Variants in CAPN12 observed in about 807,000 individuals in gnomAD.
CAPN12 encodes calpain-12.
A neutral mutation model predicts 95.0 loss-of-function variants in CAPN12; 107 were observed. The observed-to-expected ratio is 1.13, with a 90% CI of 0.96 to 1.32. CAPN12 has a LOEUF of 1.32. CAPN12 is among the 40% of genes most tolerant of loss of function. The pLI, the probability that CAPN12 is intolerant of heterozygous loss-of-function variation, is 0.00. For synonymous variants in CAPN12, 505 were observed against 415.5 expected, an observed-to-expected ratio of 1.22 and a Z score of -2.62; for missense variants, 1,136 against 997.8, an observed-to-expected ratio of 1.14 and a Z score of -1.87.
chr19:38,731,212 TCAGGTGGAAGCC>T lies in CAPN12; in HGVS notation c.1958-1_1968del. The T allele has an allele frequency of 6.2e-7, 1 of 1,612,644 alleles. No homozygotes were observed. Among genetic ancestry groups the T allele is most frequent in the Non-Finnish European group, 8.5e-7 (1 of 1,179,970 alleles). Reference sequence around the variant, plus strand: ...GTGAGGGTCTGGGTCAGCTGGTTGTTCAGGTGGAAGCCTAGGGGGAGGCTGCTTCTGAGCCCA... The same window carrying T: ...GTGAGGGTCTGGGTCAGCTGGTTGTTTAGGGGGAGGCTGCTTCTGAGCCCA... On this transcript the variant is annotated splice_acceptor_variant and coding_sequence_variant, in exon 19 of 21. Coordinates refer to ENST00000328867, the MANE Select transcript of CAPN12 (RefSeq NM_144691.4). LOFTEE classifies it high-confidence loss of function.
At chr19:38,735,659 G>T in intron 12 of CAPN12, 115 bp from the exon 13 acceptor site, 1 of 492,748 alleles carries the variant, frequency 2.0e-6, no homozygotes, top group Non-Finnish European at 2.9e-6. Context: ...GTGGAGCCCT[G>T]GGCTCATCCT....
chr19:38,736,913 C>A, intron 10 of CAPN12: 2 of 366,148 alleles, frequency 5.5e-6, no homozygotes, highest in Non-Finnish European at 4.9e-6. Context: ...CCCAGCCCTA[C>A]TAGCCCCCTA....
chr19:38,743,805 C>T, intron 1 of CAPN12, 124 bp downstream of exon 1: 5 of 896,360 alleles, frequency 5.6e-6, no homozygotes, highest in South Asian at 1.6e-5. Flanking sequence ...GTCCAGGTCT[C>T]GAGCCCCTCC....
At chr19:38,740,432 G>T (rs960334668) in intron 4 of CAPN12, among the ~76,000 whole-genome samples, 1 of 152,042 alleles carries the variant, frequency 6.6e-6, no homozygotes, top group Non-Finnish European at 1.5e-5. Flanking sequence ...CCGGGTTCAA[G>T]CGATCCTCCT....
chr19:38,739,712 T>G (rs77003527), intron 5 of CAPN12: 71 of 68,088 alleles, frequency 1.0e-3, no homozygotes, highest in Non-Finnish European at 2.7e-3. Context: ...AAGAGGCACT[T>G]TTTTTTTTTT....
intron 17 of CAPN12, 152 bp downstream of exon 17, chr19:38,733,990 G>T: frequency 1.1e-6 from 1 of 870,908 alleles, no homozygotes; most frequent in Non-Finnish European, 1.8e-6. Flanking sequence ...CTGAGGCTGG[G>T]TGGGGGCAGG....
rs781041062 is a variant in CAPN12 at position 38,738,648 on chromosome 19, T to C, written c.730A>G (p.Ser244Gly). Residue 244 changes from serine to glycine, a missense_variant and splice_region_variant, in exon 6 of 21, where the codon AGT becomes GGT. Ser to Gly is a moderately conservative substitution (Grantham distance 56). Coordinates refer to ENST00000328867, the MANE Select transcript of CAPN12 (RefSeq NM_144691.4). ...KESLVGATAL[S>G]DRGEYRTEEG... ...TCTGTGCGGTACTCACCCCGATCAC[T>C]CTGGGCAGGGGATGGGATGGTGAGG... 102 of 1,613,678 alleles carry C rather than the reference T, an allele frequency of 6.3e-5. No homozygotes were observed. The highest frequency in any genetic ancestry group is 8.4e-5 in the Non-Finnish European group (99 of 1,179,966).
At chr19:38,734,789 CT>C (rs775040598) in intron 15 of CAPN12, 23 bp downstream of exon 15, 1 of 1,609,688 alleles carries the variant, frequency 6.2e-7, no homozygotes, top group South Asian at 1.1e-5. Context: ...ACCCCTCCTC[CT>C]GCCCCTATCC....
chr19:38,736,105 C>T lies in CAPN12; in HGVS notation c.1583+5G>A, dbSNP rs2145195097. ...TGGGGTCGGATTTGGGTGCCCGGGG[C>T]TCACACGGCCGTGTGGCGGCGCTCG... On this transcript the variant is annotated splice_donor_5th_base_variant and intron_variant, in intron 12 of 20. Coordinates refer to ENST00000328867, the MANE Select transcript of CAPN12 (RefSeq NM_144691.4). The T allele has an allele frequency of 6.7e-7, 1 of 1,487,406 alleles. No individual in the cohort carries two copies. Among genetic ancestry groups the T allele is most frequent in the South Asian group, 1.3e-5 (1 of 78,712 alleles). 92.1% of individuals were successfully genotyped at this position (1,487,406 alleles called of 1,614,324 possible). A position where few individuals can be genotyped will look rare whatever the true frequency, so the allele number is the denominator to read the frequency against.
At position 38,738,345 on chromosome 19, in the gene CAPN12, C is replaced by T; in HGVS notation, c.893G>A (p.Cys298Tyr). 1 of 1,611,996 alleles carries T rather than the reference C, an allele frequency of 6.2e-7. No homozygotes were observed. Among genetic ancestry groups the T allele is most frequent in the Middle Eastern group, 2.2e-4 (1 of 4,466 alleles). ...GGTGGGGAGTGTGTCCCAGCGTGGG[C>T]AGCTGGAGAGACTGTGGTGTGAGGG... ...VEWTGAWSDS[C>Y]PRWDTLPTEC... Residue 298 changes from cysteine (C) to tyrosine (Y), a missense_variant and splice_region_variant, in exon 8 of 21, where the codon TGC becomes TAC. Transcript: ENST00000328867.
At chr19:38,742,210 C>G in intron 3 of CAPN12, 200 bp downstream of exon 3, 1 of 622,108 alleles carries the variant, frequency 1.6e-6, no homozygotes, top group South Asian at 2.0e-5. Flanking sequence ...CCTGTAATCC[C>G]AGCTACTCAG....
At position 38,730,430 on chromosome 19, in the gene CAPN12, CTTTTTTTTTTGAGTTTATTCTGATTG is replaced by C. The variant is rs1969492159; in HGVS notation, c.*396_*421del. 1.1e-5 allele frequency: 2 copies of C among 175,320 alleles called. No homozygotes were observed. 10.9% of individuals were successfully genotyped at this position (175,320 alleles called of 1,614,324 possible). On this transcript the variant is annotated 3_prime_UTR_variant, in exon 21 of 21. Coordinates refer to ENST00000328867, the MANE Select transcript of CAPN12 (RefSeq NM_144691.4). ...TGGTTGATGGTTTTGCTCCCCCTAC[CTTTTTTTTTTGAGTTTATTCTGATTG>C]ATTTTTTTTCTTGGTTTCTGGATAA...
Position 38,740,060 on chromosome 19 carries a change from G to A in CAPN12, c.720C>T (p.Ala240=). The A allele has an allele frequency of 2.5e-6, 4 of 1,589,270 alleles. No individual in the cohort carries two copies. The highest frequency in any genetic ancestry group is 3.4e-6 in the Non-Finnish European group (4 of 1,166,620). The part of the protein sequence containing the change: ...HALAKESLVG[A]TALSDRGEYR... Reference sequence around the variant, plus strand: ...AGTCCAGGTCTCTTACCAGGGCAGTGGCGCCCACGAGGGACTCCTTGGCCA... The same window carrying A: ...AGTCCAGGTCTCTTACCAGGGCAGTAGCGCCCACGAGGGACTCCTTGGCCA... The change falls in exon 5 of 21, where the codon GCC becomes GCT. Residue 240 remains alanine (A), a synonymous_variant. Coordinates refer to ENST00000328867, the MANE Select transcript of CAPN12 (RefSeq NM_144691.4).
Position 38,740,378 on chromosome 19 carries a change from C to T in CAPN12, c.561-159G>A, listed in dbSNP as rs183006445. On this transcript the variant is annotated intron_variant, in intron 4 of 20. Coordinates refer to ENST00000328867, the MANE Select transcript of CAPN12 (RefSeq NM_144691.4). The stretch of plus-strand genomic sequence containing the variant: ...TCCAGGGTCACCCTGTGGCCCAGGC[C>T]GGAGTGCAGTGGCGTGATCTCATCT... Among the ~76,000 whole-genome samples the T allele has an allele frequency of 9.2e-5, 14 of 152,198 alleles. No homozygotes were observed. In the East Asian group the frequency reaches 1.2e-3, roughly 13 times the overall value.
chr19:38,744,307 G>A lies in CAPN12; in HGVS notation c.-142C>T. 2.5e-6 allele frequency: 2 copies of A among 807,064 alleles called. No homozygotes were observed. The highest frequency in any genetic ancestry group is 4.0e-6 in the Non-Finnish European group (2 of 500,260). The allele number at this position is 807,064 out of a possible 1,614,324, so 50.0% of individuals were successfully genotyped here. ...CGTTAATATTAATTGATGGTTTGGG[G>A]TGCTGGGGAGCAGGGACGCCTCTTC... On this transcript the variant is annotated 5_prime_UTR_variant, in exon 1 of 21. Coordinates refer to ENST00000328867, the MANE Select transcript of CAPN12 (RefSeq NM_144691.4).
rs1219938061 is a variant in CAPN12 at position 38,730,928 on chromosome 19, A to G, written c.2133+37T>C. 1.9e-6 allele frequency: 3 copies of G among 1,550,412 alleles called. No homozygotes were observed. The African/African-American group carries it at 4.1e-5, about 21-fold the overall frequency. On this transcript the variant is annotated intron_variant, in intron 20 of 20. Transcript: ENST00000328867. ...GCTTGAGGCAGGGAGCTCGCAGGACAGAGCCTGAGCCACCCTGTCCCTCCC... is the reference window on the plus strand; with the variant it reads ...GCTTGAGGCAGGGAGCTCGCAGGACGGAGCCTGAGCCACCCTGTCCCTCCC...
At chr19:38,738,155 A>G in intron 8 of CAPN12, 118 bp downstream of exon 8, 1 of 999,796 alleles carries the variant, frequency 1.0e-6, no homozygotes, top group South Asian at 1.5e-5. Flanking sequence ...CCCCAAAATT[A>G]CCACCGATGT....
Position 38,732,179 on chromosome 19 carries a change from C to T in CAPN12, c.1958-956G>A, listed in dbSNP as rs544726434. 9.2e-5 allele frequency among the ~76,000 whole-genome samples: 14 copies of T among 152,354 alleles called. No homozygotes were observed. The South Asian group carries it at 1.9e-3, about 20-fold the overall frequency. On this transcript the variant is annotated intron_variant, in intron 18 of 20. Coordinates refer to ENST00000328867, the MANE Select transcript of CAPN12 (RefSeq NM_144691.4). ...AACAGGCACTCACTGGTGCCAGATG[C>T]GTGAACACAAGCCTGCCACCTGCCA...
In CAPN12 at chr19:38,735,439, G is replaced by C. The variant is rs779622037; in HGVS notation, c.1627-10C>G. 6.2e-7 allele frequency: 1 copy of C among 1,610,990 alleles called. No individual in the cohort carries two copies. Among genetic ancestry groups the C allele is most frequent in the South Asian group, 1.1e-5 (1 of 90,936 alleles). On this transcript the variant is annotated splice_polypyrimidine_tract_variant and intron_variant, in intron 13 of 20. Transcript: ENST00000328867. ...GGGGCAGGTAGGGGCCCTGCCGCAT[G>C]GCGGAAGTTTAGCGCTGGCCAAGAT... is the stretch of plus-strand genomic sequence containing the variant.
Sources: allele counts gnomAD v4.1 joint callset (sites outside exome capture counted in the v4.1 genomes callset), GRCh38; gene constraint gnomAD v4.1.1; transcripts MANE v1.5; gene names NCBI Gene and HGNC (gene_info 2026-07-23, HGNC 2026-07-21).